Variants in NAA11 observed in about 807,000 individuals in gnomAD.
The protein encoded by NAA11 is N-alpha-acetyltransferase 11.
Under a neutral mutation model 16.1 loss-of-function variants are expected in NAA11, and 15 were observed. The observed-to-expected ratio is 0.93, with a 90% confidence interval of 0.62 to 1.44. The LOEUF is 1.44. Ranked by LOEUF, NAA11 falls within the 40% of genes most tolerant of loss-of-function variation. The pLI is 0.00. For missense variants in NAA11, 298 were observed against 291.3 expected, an observed-to-expected ratio of 1.02 and a Z score of -0.17; for synonymous variants, 122 against 112.4, an observed-to-expected ratio of 1.09 and a Z score of -0.54.
Position 79,325,834 on chromosome 4 carries a change from T to G in NAA11, c.44A>C (p.Gln15Pro). 4 of 1,613,820 alleles carry G rather than the reference T, an allele frequency of 2.5e-6. No homozygotes were observed. The highest frequency in any genetic ancestry group is 3.4e-6 in the Non-Finnish European group (4 of 1,179,802). ...NAQPDDLMNMQHCNLLCLPEN... is the reference protein window; with the variant it reads ...NAQPDDLMNMPHCNLLCLPEN... ...AGGAAGGCAAAGGAGGTTGCAGTGT[T>G]GCATATTCATCAGGTCGTCTGGCTG... The change falls in exon 1 of 2, where the codon CAA (glutamine) becomes CCA (proline). Residue 15 changes from glutamine to proline, a missense_variant. Physicochemically the swap from Gln to Pro is moderately conservative, Grantham distance 76. Transcript: ENST00000286794.
rs531778811 is a variant in NAA11 at position 79,297,993 on chromosome 4, A to G, written c.*13-3879T>C. On this transcript the variant is annotated intron_variant and NMD_transcript_variant, in intron 1 of 2. Coordinates refer to the NAA11 transcript ENST00000511542. Reference sequence around the variant, plus strand: ...ATGTACTTCCTCCCCACTGAGGCTGATAAAAGCCCAGGGCTCAGCCAGAGC... The same window carrying G: ...ATGTACTTCCTCCCCACTGAGGCTGGTAAAAGCCCAGGGCTCAGCCAGAGC... Among the ~76,000 whole-genome samples, 154 of 152,316 alleles carry G rather than the reference A, an allele frequency of 1.0e-3. 1 individual carries two copies. Among genetic ancestry groups the G allele is most frequent in the South Asian group, 2.7e-3 (13 of 4,830 alleles).
At chr4:79,303,076 T>TCA (rs1553896048) in intron 1 of NAA11, among the ~76,000 whole-genome samples, 1 of 67,524 alleles carries the variant, frequency 1.5e-5, no homozygotes, top group Non-Finnish European at 2.9e-5. Flanking sequence ...TTGAGGCCTT[T>TCA]TATATATATA....
intron 2 of NAA11, among the ~76,000 whole-genome samples, chr4:79,246,400 G>T (rs201672562): frequency 8.6e-6 from 1 of 115,700 alleles, no homozygotes; most frequent in Non-Finnish European, 1.8e-5. Context: ...AAAAAAAAAA[G>T]AAAAAATAAG....
chr4:79,268,423 A>C (rs1418276800), intron 2 of NAA11, among the ~76,000 whole-genome samples: 1 of 152,154 alleles, frequency 6.6e-6, no homozygotes, highest in Non-Finnish European at 1.5e-5. Flanking sequence ...AAGGAGGCTA[A>C]TGGCTAGACA....
At chr4:79,303,707 TG>T (rs1224470417) in intron 1 of NAA11, among the ~76,000 whole-genome samples, 1 of 152,228 alleles carries the variant, frequency 6.6e-6, no homozygotes, top group African/African-American at 2.4e-5. Flanking sequence ...TCTTTTGACT[TG>T]GGTAATGGAC....
In NAA11 at chr4:79,325,786, T is replaced by C. The variant is rs371951636; in HGVS notation, c.92A>G (p.Tyr31Cys). 9 of 1,614,050 alleles carry C rather than the reference T, an allele frequency of 5.6e-6. No homozygotes were observed. Among genetic ancestry groups the C allele is most frequent in the East Asian group, 4.5e-5 (2 of 44,888 alleles). ...GGGCCAGGAAAGGCCATGATATAAA[T>C]AGTATTTCATCTGGTAGTTCTCAGG... ...CLPENYQMKY[Y>C]LYHGLSWPQL... The change falls in exon 1 of 2, where the codon TAT (tyrosine) becomes TGT (cysteine). Residue 31 changes from tyrosine (Y) to cysteine (C), a missense_variant. Tyr to Cys is a radical substitution (Grantham distance 194, BLOSUM62 -2). Transcript: ENST00000286794.
At position 79,317,807 on chromosome 4, in the gene NAA11, A is replaced by G. The variant is rs1464052884; in HGVS notation, c.*13-16T>C. On this transcript the variant is annotated splice_polypyrimidine_tract_variant and intron_variant, in intron 1 of 1. Coordinates refer to ENST00000286794, the MANE Select transcript of NAA11 (RefSeq NM_032693.3). Reference sequence around the variant, plus strand: ...ACCTGAAATGCTGTTGAAAAATGAGAAGAAAACAAATGAGAAAGGGAGAGC... The same window carrying G: ...ACCTGAAATGCTGTTGAAAAATGAGGAGAAAACAAATGAGAAAGGGAGAGC... 1 of 152,280 alleles carries G rather than the reference A, an allele frequency of 6.6e-6. No homozygotes were observed. The highest frequency in any genetic ancestry group is 6.5e-5 in the Admixed American group (1 of 15,274). 9.4% of individuals were successfully genotyped at this position (152,280 alleles called of 1,614,324 possible).
chr4:79,297,958 A>G (rs562953446), intron 1 of NAA11, among the ~76,000 whole-genome samples: 15 of 152,140 alleles, frequency 9.9e-5, no homozygotes, highest in African/African-American at 3.6e-4. Flanking sequence ...CTGCCCATGG[A>G]CCAATCAGCA....
chr4:79,186,850 T>C, the NAA11 span, among the ~76,000 whole-genome samples: 1 of 151,934 alleles, frequency 6.6e-6, no homozygotes, highest in Non-Finnish European at 1.5e-5. Context: ...GCTCCAAACC[T>C]CCACTGAACA....
At chr4:79,228,392 G>A (rs1157287324) in intron 2 of NAA11, among the ~76,000 whole-genome samples, 1 of 151,896 alleles carries the variant, frequency 6.6e-6, no homozygotes, top group Non-Finnish European at 1.5e-5. Context: ...TTGGTGCACA[G>A]TTCTATTTGT....
downstream of NAA11, among the ~76,000 whole-genome samples, chr4:79,314,208 G>C (rs1330520605): frequency 6.6e-6 from 1 of 152,092 alleles, no homozygotes; most frequent in Non-Finnish European, 1.5e-5. Context: ...AGTTTTTACA[G>C]AAAGTTGAGC....
At chr4:79,280,159 A>G (rs1480671582) in intron 2 of NAA11, among the ~76,000 whole-genome samples, 1 of 152,154 alleles carries the variant, frequency 6.6e-6, no homozygotes, top group African/African-American at 2.4e-5. Context: ...AATGTCAGGT[A>G]CAAATTAATA....
At chr4:79,210,562 T>C in the NAA11 span, among the ~76,000 whole-genome samples, 2 of 152,120 alleles carry the variant, frequency 1.3e-5, no homozygotes, top group Non-Finnish European at 2.9e-5. Context: ...ATTTATCAAC[T>C]ACTTATAGTA....
chr4:79,265,738 C>T (rs1320252098), intron 2 of NAA11, among the ~76,000 whole-genome samples: 1 of 151,498 alleles, frequency 6.6e-6, no homozygotes, highest in Non-Finnish European at 1.5e-5. Flanking sequence ...TGCCCTGCCT[C>T]ACTCTCTTAT....
chr4:79,325,091 G>T, intron 1 of NAA11, 85 bp downstream of exon 1: 1 of 1,243,256 alleles, frequency 8.0e-7, no homozygotes, highest in Non-Finnish European at 1.1e-6. Context: ...GCCAGAATGG[G>T]GTAAGACAGG....
intron 2 of NAA11, among the ~76,000 whole-genome samples, chr4:79,255,808 G>A (rs1050423261): frequency 2.0e-5 from 3 of 152,226 alleles, no homozygotes; most frequent in African/African-American, 7.2e-5. Context: ...CTACCCTGTA[G>A]TCAGACAGTA....
the NAA11 span, among the ~76,000 whole-genome samples, chr4:79,216,526 G>A: frequency 1.3e-5 from 2 of 152,102 alleles, no homozygotes; most frequent in Admixed American, 6.6e-5. Flanking sequence ...GACTGAAATG[G>A]TATTATATAC....
intron 2 of NAA11, among the ~76,000 whole-genome samples, chr4:79,293,138 A>G (rs553070499): frequency 2.0e-5 from 3 of 152,278 alleles, no homozygotes; most frequent in African/African-American, 7.2e-5. Context: ...TGTGTTTTGC[A>G]TGCCCTCTGT....
At chr4:79,177,804 TCA>T in the NAA11 span, among the ~76,000 whole-genome samples, 1 of 152,144 alleles carries the variant, frequency 6.6e-6, no homozygotes, top group African/African-American at 2.4e-5. Flanking sequence ...ATAATTTCCC[TCA>T]CATGAATTAA....
Sources: allele counts gnomAD v4.1 joint callset (sites outside exome capture counted in the v4.1 genomes callset), GRCh38; gene constraint gnomAD v4.1.1; transcripts MANE v1.5; gene names NCBI Gene and HGNC (gene_info 2026-07-23, HGNC 2026-07-21).